Variants in NOM1 observed in about 807,000 individuals in gnomAD.
NOM1 encodes the protein nucleolar protein with MIF4G domain 1, also known as nucleolar MIF4G domain-containing protein 1.
NOM1 carries 58 observed loss-of-function variants against 73.3 expected under a neutral mutation model. The ratio of observed to expected loss-of-function variants is 0.79; its 90% CI spans 0.64 to 0.99. The LOEUF (loss-of-function observed/expected upper bound fraction) is 0.99. Ranked by LOEUF, NOM1 falls within the 50% of genes least tolerant of loss-of-function variation. NOM1 has a pLI of 0.00. For synonymous variants in NOM1, 487 were observed against 446.8 expected, an observed-to-expected ratio of 1.09 and a Z score of -1.14; for missense variants, 1,226 against 1,131.9, an observed-to-expected ratio of 1.08 and a Z score of -1.19.
intron 1 of NOM1, 47 bp downstream of exon 1, chr7:156,950,771 AACGGG>A: frequency 6.7e-7 from 1 of 1,494,428 alleles, no homozygotes; most frequent in Non-Finnish European, 9.0e-7. Context: ...CCTTCAAAAT[AACGGG>A]ACAGGGAATG....
In NOM1 at chr7:156,966,290, A is replaced by G; in HGVS notation, c.2054A>G (p.Gln685Arg). ...TCTAGGCTTGGACTTAAGGATCAGCAGGAGAGAGAAATCATTCACGTTCTC... is the reference window on the plus strand; with the variant it reads ...TCTAGGCTTGGACTTAAGGATCAGCGGGAGAGAGAAATCATTCACGTTCTC... ...KLLKLGLKDQ[Q>R]EREIIHVLMD... The change falls in exon 8 of 11, where the codon CAG becomes CGG. Residue 685 changes from glutamine (Q) to arginine (R), a missense_variant. Coordinates refer to ENST00000275820, the MANE Select transcript of NOM1 (RefSeq NM_138400.2). 1.2e-6 allele frequency: 2 copies of G among 1,614,136 alleles called. No individual in the cohort carries two copies. The highest frequency in any genetic ancestry group is 1.7e-6 in the Non-Finnish European group (2 of 1,180,040).
rs536557904 is a variant in NOM1, at chr7:156,962,228, C to T, written c.1710C>T (p.Pro570=). The T allele has an allele frequency of 1.4e-4, 220 of 1,614,076 alleles. 1 individual carries two copies. The Middle Eastern group carries it at 2.6e-3, about 19-fold the overall frequency. The change falls in exon 5 of 11, where the codon CCC becomes CCT. Residue 570 remains proline (P), a synonymous_variant. Coordinates refer to ENST00000275820, the MANE Select transcript of NOM1 (RefSeq NM_138400.2). ...MRKIPGYDPE[P]VEKLRKLQRA... Reference sequence around the variant, plus strand: ...AAATTCCAGGCTATGACCCCGAGCCCGTGGAGAAGCTGAGGAAACTGCAGA... The same window carrying T: ...AAATTCCAGGCTATGACCCCGAGCCTGTGGAGAAGCTGAGGAAACTGCAGA...
chr7:156,960,201 C>G, intron 4 of NOM1, 27 bp downstream of exon 4: 4 of 1,574,438 alleles, frequency 2.5e-6, no homozygotes, highest in Non-Finnish European at 3.5e-6. Flanking sequence ...TGATCTGCTT[C>G]CTAAGTCCCT....
chr7:156,952,451 A>G (rs1563677845), intron 1 of NOM1, 23 bp from the exon 2 acceptor site: 8 of 1,594,898 alleles, frequency 5.0e-6, no homozygotes, highest in Admixed American at 1.8e-5. Context: ...AATTTTTTGT[A>G]ATTTATTTCT....
chr7:156,969,241 G>A lies in NOM1; in HGVS notation c.2408+45G>A, dbSNP rs1488095091. The A allele has an allele frequency of 3.8e-6, 4 of 1,043,056 alleles. No homozygotes were observed. In the Admixed American group the frequency reaches 7.1e-5, roughly 18 times the overall value. 64.6% of individuals were successfully genotyped at this position (1,043,056 alleles called of 1,614,324 possible). ...CGACGAGACATGGAAGAGAAATGAA[G>A]AGATTGTTTTCACTTGTGTTGATTT... On this transcript the variant is annotated intron_variant, in intron 10 of 10. Coordinates refer to ENST00000275820, the MANE Select transcript of NOM1 (RefSeq NM_138400.2).
chr7:156,963,546 A>T (rs907606321), intron 6 of NOM1: 5 of 381,180 alleles, frequency 1.3e-5, no homozygotes, highest in East Asian at 5.4e-5. Flanking sequence ...CCCATTTTTC[A>T]TCCAGACTTC....
chr7:156,954,488 TTTTGCTTAAC>T (rs11267607), intron 3 of NOM1, among the ~76,000 whole-genome samples, 190 bp downstream of exon 3: 76,669 of 147,986 alleles, frequency 0.52, 20,399 homozygotes, highest in Middle Eastern at 0.66. Flanking sequence ...GATTACTTGA[TTTTGCTTAAC>T]TTTGCTTTTT....
intron 3 of NOM1, among the ~76,000 whole-genome samples, chr7:156,959,399 G>C (rs1015575836): frequency 9.8e-5 from 11 of 111,982 alleles, no homozygotes; most frequent in African/African-American, 3.6e-4. Flanking sequence ...CACCACACCT[G>C]GCTAATTTTT....
At chr7:156,968,918 A>G (rs1805072721) in intron 9 of NOM1, 169 bp from the exon 10 acceptor site, 1 of 562,236 alleles carries the variant, frequency 1.8e-6, no homozygotes, top group African/African-American at 1.9e-5. Context: ...CAAGGCCCAC[A>G]TCCTTGCCAA....
At chr7:156,967,119 A>C (rs1365087508) in intron 9 of NOM1, 27 bp downstream of exon 9, 3 of 1,605,740 alleles carry the variant, frequency 1.9e-6, no homozygotes, top group Non-Finnish European at 2.5e-6. Flanking sequence ...AAAATATTGA[A>C]AGCAATGGAA....
intron 3 of NOM1, among the ~76,000 whole-genome samples, chr7:156,959,285 G>A (rs1441771642): frequency 4.9e-5 from 7 of 142,788 alleles, no homozygotes; most frequent in Admixed American, 4.8e-4. Context: ...TGTATTTTTA[G>A]TAGACACGGG....
rs769551394 is a variant in NOM1 at position 156,969,613 on chromosome 7, C to T, written c.2493C>T (p.Ala831=). The T allele has an allele frequency of 3.7e-6, 6 of 1,613,882 alleles. No homozygotes were observed. The highest frequency in any genetic ancestry group is 3.3e-5 in the Admixed American group (2 of 59,988). The change falls in exon 11 of 11, where the codon GCC becomes GCT. Residue 831 remains alanine, a synonymous_variant. Transcript: ENST00000275820. ...ACTTCTTGCTAAAGAACGCACAGGCCCACAGAAGCGCCGACGAAGCCAACG... is the reference window on the plus strand; with the variant it reads ...ACTTCTTGCTAAAGAACGCACAGGCTCACAGAAGCGCCGACGAAGCCAACG... ...ISHFLLKNAQ[A]HRSADEANVL...
At chr7:156,959,319 G>A (rs1804805147) in intron 3 of NOM1, among the ~76,000 whole-genome samples, 1 of 152,002 alleles carries the variant, frequency 6.6e-6, no homozygotes, top group Admixed American at 6.6e-5. Context: ...AGCCAGGATG[G>A]TCTCGATCTC....
Position 156,960,043 on chromosome 7 carries a change from C to A in NOM1, c.1501C>A (p.Leu501Met), listed in dbSNP as rs745999425. 1.2e-6 allele frequency: 2 copies of A among 1,614,040 alleles called. No individual in the cohort carries two copies. Among genetic ancestry groups the A allele is most frequent in the Non-Finnish European group, 8.5e-7 (1 of 1,180,038 alleles). The change falls in exon 4 of 11, where the codon CTG becomes ATG. Residue 501 changes from leucine (L) to methionine (M), a missense_variant. Leu to Met is a conservative substitution (Grantham distance 15). Coordinates refer to ENST00000275820, the MANE Select transcript of NOM1 (RefSeq NM_138400.2). ...IGTFTEKDIE[L>M]ILLMLKNVGF... ...AACTTTCACCGAAAAAGATATTGAA[C>A]TGATCTTGTTAATGCTGAAAAACGT...
rs1294087078 is a variant in NOM1, at chr7:156,950,329, C to T, written c.592C>T (p.Arg198Cys). Reference sequence around the variant, plus strand: ...GGAGCGTTGCCTCGGTTTGAACAAGCGCAAAAAGAAGGACGGCAGCAGCTC... The same window carrying T: ...GGAGCGTTGCCTCGGTTTGAACAAGTGCAAAAAGAAGGACGGCAGCAGCTC... ...KLERCLGLNK[R>C]KKKDGSSSVP... The change falls in exon 1 of 11, where the codon CGC becomes TGC. Residue 198 changes from arginine to cysteine, a missense_variant. By Grantham distance (180) the Arg-to-Cys change is radical. Coordinates refer to ENST00000275820, the MANE Select transcript of NOM1 (RefSeq NM_138400.2). 1.9e-6 allele frequency: 3 copies of T among 1,613,846 alleles called. No individual in the cohort carries two copies. The highest frequency in any genetic ancestry group is 1.3e-5 in the African/African-American group (1 of 74,824).
Position 156,949,926 on chromosome 7 carries a change from G to A in NOM1, c.189G>A (p.Gly63=). Reference sequence around the variant, plus strand: ...CGACTTCGGAAGGCGAGGCTCCCGGGGGTTGCGAGGGGCGCGGCGCCCCGG... The same window carrying A: ...CGACTTCGGAAGGCGAGGCTCCCGGAGGTTGCGAGGGGCGCGGCGCCCCGG... The part of the protein sequence containing the change: ...VHATSEGEAP[G]GCEGRGAPVS... The change falls in exon 1 of 11, where the codon GGG becomes GGA. Residue 63 remains glycine, a synonymous_variant. Coordinates refer to ENST00000275820, the MANE Select transcript of NOM1 (RefSeq NM_138400.2). 1 of 1,542,306 alleles carries A rather than the reference G, an allele frequency of 6.5e-7. No individual in the cohort carries two copies. Among genetic ancestry groups the A allele is most frequent in the Non-Finnish European group, 8.7e-7 (1 of 1,145,736 alleles).
At chr7:156,968,424 G>T (rs1368736030) in intron 9 of NOM1, among the ~76,000 whole-genome samples, 2 of 152,094 alleles carry the variant, frequency 1.3e-5, no homozygotes, top group African/African-American at 4.8e-5. Flanking sequence ...GCAAGCGCCT[G>T]TGATGGTGTT....
chr7:156,972,489 T>C lies in NOM1; in HGVS notation c.*2786T>C, dbSNP rs1256245000. On this transcript the variant is annotated 3_prime_UTR_variant, in exon 11 of 11. Transcript: ENST00000275820. ...TATATGTATGACTTAAATTATTAGC[T>C]ATGGTTTGCATTTAGTACATGGCAG... 1 of 152,274 alleles carries C rather than the reference T, an allele frequency of 6.6e-6. No homozygotes were observed. Among genetic ancestry groups the C allele is most frequent in the Non-Finnish European group, 1.5e-5 (1 of 68,050 alleles). 9.4% of individuals were successfully genotyped at this position (152,274 alleles called of 1,614,324 possible).
chr7:156,960,753 T>G (rs917428359), intron 4 of NOM1, among the ~76,000 whole-genome samples: 2 of 152,148 alleles, frequency 1.3e-5, no homozygotes, highest in Non-Finnish European at 2.9e-5. Context: ...TTCCAGCAGG[T>G]GAATGACAGG....
Sources: allele counts gnomAD v4.1 joint callset (sites outside exome capture counted in the v4.1 genomes callset), GRCh38; gene constraint gnomAD v4.1.1; transcripts MANE v1.5; gene names NCBI Gene and HGNC (gene_info 2026-07-23, HGNC 2026-07-21).